The following MGAT5 variants were observed in gnomAD, a reference collection of about 807,000 sequenced individuals.
MGAT5 encodes the protein alpha-1,6-mannosylglycoprotein 6-beta-N-acetylglucosaminyltransferase A.
A neutral mutation model predicts 94.3 loss-of-function variants in MGAT5; 30 were observed. The observed-to-expected ratio is 0.32, with a 90% CI of 0.24 to 0.43. The LOEUF is 0.43. MGAT5 is among the 20% of genes least tolerant of loss of function. The pLI, the probability that MGAT5 is intolerant of heterozygous loss-of-function variation, is 1.00. For synonymous variants in MGAT5, 310 were observed against 322.9 expected, an observed-to-expected ratio of 0.96 and a Z score of 0.43; for missense variants, 691 against 905.5, an observed-to-expected ratio of 0.76 and a Z score of 3.04.
At chr2:134,184,327 C>A (rs1273119288) in intron 1 of MGAT5, among the ~76,000 whole-genome samples, 1 of 152,170 alleles carries the variant, frequency 6.6e-6, no homozygotes, top group Non-Finnish European at 1.5e-5. Flanking sequence ...ACTTTGGCCT[C>A]TCTAGACTTT....
intron 1 of MGAT5, among the ~76,000 whole-genome samples, chr2:134,169,387 TACACACACACACACACACACACACAG>T (rs1280647173): frequency 4.3e-5 from 6 of 138,668 alleles, no homozygotes; most frequent in African/African-American, 1.3e-4. Flanking sequence ...AATTTAAAAA[TACACACACACACACACACACACACAG>T]ACACACACAC....
intron 1 of MGAT5, among the ~76,000 whole-genome samples, chr2:134,130,999 A>G (rs1447071507): frequency 6.6e-6 from 1 of 152,254 alleles, no homozygotes; most frequent in Non-Finnish European, 1.5e-5. Flanking sequence ...CTGAGCTGGC[A>G]CTGGCAACCC....
At chr2:134,207,779 C>T (rs1011797694) in intron 1 of MGAT5, among the ~76,000 whole-genome samples, 1 of 152,114 alleles carries the variant, frequency 6.6e-6, no homozygotes, top group Non-Finnish European at 1.5e-5. Flanking sequence ...TGCCATCTAC[C>T]GCCCCCTGCC....
intron 10 of MGAT5, among the ~76,000 whole-genome samples, chr2:134,392,266 CTAAT>C: frequency 6.6e-6 from 1 of 152,246 alleles, no homozygotes; most frequent in South Asian, 2.1e-4. Context: ...GGAAGGTACT[CTAAT>C]TAGAGTGATC....
chr2:134,257,317 C>G (rs1683030298), intron 1 of MGAT5, among the ~76,000 whole-genome samples: 2 of 152,060 alleles, frequency 1.3e-5, no homozygotes, highest in African/African-American at 4.8e-5. Flanking sequence ...ACTGCAACAC[C>G]CACCTCCTGG....
At chr2:134,282,899 A>G (rs1024436879) in intron 2 of MGAT5, among the ~76,000 whole-genome samples, 3 of 152,108 alleles carry the variant, frequency 2.0e-5, no homozygotes, top group Non-Finnish European at 4.4e-5. Flanking sequence ...TCTGTACAAC[A>G]GCCCAGGGCA....
At chr2:134,323,515 C>T (rs1309228739) in intron 4 of MGAT5, among the ~76,000 whole-genome samples, 1 of 152,002 alleles carries the variant, frequency 6.6e-6, no homozygotes, top group Non-Finnish European at 1.5e-5. Context: ...AATGGAGAGC[C>T]AAGTCATAGA....
chr2:134,414,465 T>C (rs762673407), intron 12 of MGAT5, among the ~76,000 whole-genome samples: 4 of 152,184 alleles, frequency 2.6e-5, no homozygotes, highest in Non-Finnish European at 5.9e-5. Flanking sequence ...GGAAAGAAAC[T>C]AGTAAATCAT....
intron 1 of MGAT5, among the ~76,000 whole-genome samples, chr2:134,215,988 T>A (rs1419314060): frequency 1.3e-5 from 2 of 152,192 alleles, no homozygotes; most frequent in African/African-American, 4.8e-5. Flanking sequence ...GTGCTTTTAA[T>A]GGACTCTAAT....
intron 2 of MGAT5, among the ~76,000 whole-genome samples, chr2:134,279,092 A>G (rs1411386967): frequency 2.6e-5 from 4 of 152,140 alleles, no homozygotes; most frequent in Non-Finnish European, 5.9e-5. Flanking sequence ...GGTTTTTATC[A>G]ATAAATGTCC....
At chr2:134,332,355 T>C (rs1219631991) in intron 4 of MGAT5, among the ~76,000 whole-genome samples, 4 of 150,914 alleles carry the variant, frequency 2.7e-5, no homozygotes, top group African/African-American at 9.7e-5. Flanking sequence ...CCCTATTTAA[T>C]AAATGGTGCT....
chr2:134,273,964 G>T (rs537640418), intron 2 of MGAT5, among the ~76,000 whole-genome samples: 1 of 152,088 alleles, frequency 6.6e-6, no homozygotes, highest in East Asian at 1.9e-4. Flanking sequence ...AAGGGCCTTC[G>T]TCAAAATTCT....
intron 1 of MGAT5, among the ~76,000 whole-genome samples, chr2:134,147,426 G>C (rs909002764): frequency 6.6e-6 from 1 of 152,200 alleles, no homozygotes; most frequent in African/African-American, 2.4e-5. Context: ...TGGCATTCAT[G>C]TGATGGATGT....
intron 8 of MGAT5, among the ~76,000 whole-genome samples, chr2:134,346,520 G>C (rs562069487): frequency 2.0e-5 from 3 of 152,182 alleles, no homozygotes; most frequent in Admixed American, 1.3e-4. Flanking sequence ...GATCCTCTTG[G>C]AAGTTTCTAG....
intron 9 of MGAT5, among the ~76,000 whole-genome samples, chr2:134,359,293 G>T (rs1200809895): frequency 6.6e-6 from 1 of 152,206 alleles, no homozygotes; most frequent in African/African-American, 2.4e-5. Flanking sequence ...AAAATTATTT[G>T]GACTATGAGG....
intron 1 of MGAT5, among the ~76,000 whole-genome samples, chr2:134,205,334 T>C (rs1481225152): frequency 6.6e-6 from 1 of 152,042 alleles, no homozygotes; most frequent in Non-Finnish European, 1.5e-5. Context: ...ATTGCTATAA[T>C]GTGGGTGGGA....
chr2:134,302,389 A>G (rs906618441), intron 2 of MGAT5, among the ~76,000 whole-genome samples: 1 of 152,148 alleles, frequency 6.6e-6, no homozygotes, highest in Non-Finnish European at 1.5e-5. Flanking sequence ...AAATCTCACT[A>G]TGCCCTAATA....
At chr2:134,234,218 G>C (rs1458180128) in intron 1 of MGAT5, among the ~76,000 whole-genome samples, 1 of 152,068 alleles carries the variant, frequency 6.6e-6, no homozygotes, top group Non-Finnish European at 1.5e-5. Context: ...GGGGGCAGGG[G>C]TTGGTGGGAG....
intron 1 of MGAT5, among the ~76,000 whole-genome samples, chr2:134,186,922 G>A (rs1689067387): frequency 2.0e-5 from 3 of 152,206 alleles, no homozygotes; most frequent in Admixed American, 1.3e-4. Context: ...AGGAGATAGT[G>A]CCGCGTGGGG....
Sources: gnomAD v4.1 joint callset for allele counts (sites outside exome capture counted in the v4.1 genomes callset) on GRCh38, gnomAD v4.1.1 for gene constraint, MANE v1.5 for transcripts, NCBI Gene and HGNC (gene_info 2026-07-23, HGNC 2026-07-21) for gene names.